The following CAPN9 variants were observed in gnomAD, a reference collection of about 807,000 sequenced individuals.
CAPN9 encodes the protein calpain 9, also known as calpain-9.
In CAPN9, 81 loss-of-function variants were observed where a neutral mutation model predicts 92.8. The ratio of observed to expected loss-of-function variants is 0.87; its 90% CI spans 0.73 to 1.05. The LOEUF is 1.05. Among genes scored for constraint, CAPN9 ranks in the 50% least tolerant of loss-of-function variants. The probability of loss-of-function intolerance (pLI) is 0.00; values close to 1 mark genes in which losing one functional copy is unlikely to be tolerated. For missense variants in CAPN9, 848 were observed against 866.2 expected, an observed-to-expected ratio of 0.98 and a Z score of 0.26; for synonymous variants, 304 against 328.0, an observed-to-expected ratio of 0.93 and a Z score of 0.79.
rs1206585624 is a variant in CAPN9, at chr1:230,774,643, G to T, written c.953+12G>T. On this transcript the variant is annotated intron_variant, in intron 8 of 19. Transcript: ENST00000271971. ...GATGGGGAATTCTGGTACCGTGCTT[G>T]TTCCTGTGTTAACTGCAGATACGAG... The T allele has an allele frequency of 3.7e-6, 6 of 1,606,526 alleles. No homozygotes were observed. The highest frequency in any genetic ancestry group is 1.1e-5 in the South Asian group (1 of 90,920).
chr1:230,785,682 T>A (rs1379226081), intron 11 of CAPN9, among the ~76,000 whole-genome samples: 1 of 152,202 alleles, frequency 6.6e-6, no homozygotes, highest in African/African-American at 2.4e-5. Context: ...TGTAGAACCA[T>A]GAGCCAATCA....
At chr1:230,752,036 G>A (rs1297637860) in intron 1 of CAPN9, among the ~76,000 whole-genome samples, 2 of 152,070 alleles carry the variant, frequency 1.3e-5, no homozygotes, top group Non-Finnish European at 2.9e-5. Context: ...CATTTCACAG[G>A]AACAAATGTA....
At position 230,780,599 on chromosome 1, in the gene CAPN9, C is replaced by A. The variant is rs28359688; in HGVS notation, c.1372C>A (p.Arg458=). 1.2e-6 allele frequency: 2 copies of A among 1,614,134 alleles called. No homozygotes were observed. The highest frequency in any genetic ancestry group is 1.7e-6 in the Non-Finnish European group (2 of 1,180,000). Reference sequence around the variant, plus strand: ...CATCAACCTGAGAGAAGTCTCCGACCGGTTCAAGCTGCCCCCTGGGGAGTA... The same window carrying A: ...CATCAACCTGAGAGAAGTCTCCGACAGGTTCAAGCTGCCCCCTGGGGAGTA... ...TFINLREVSD[R]FKLPPGEYIL... The change falls in exon 11 of 20, where the codon CGG becomes AGG. Residue 458 remains arginine, a synonymous_variant. Coordinates refer to ENST00000271971, the MANE Select transcript of CAPN9 (RefSeq NM_006615.3).
chr1:230,758,184 C>T (rs182511905), intron 2 of CAPN9, among the ~76,000 whole-genome samples: 460 of 152,330 alleles, frequency 3.0e-3, no homozygotes, highest in Non-Finnish European at 5.3e-3. Flanking sequence ...CACTCATTTT[C>T]CTCAACTGGG....
At chr1:230,797,704 C>A in intron 18 of CAPN9, among the ~76,000 whole-genome samples, 1 of 152,172 alleles carries the variant, frequency 6.6e-6, no homozygotes, top group East Asian at 1.9e-4. Flanking sequence ...GTAGACCCAG[C>A]CCCCAGCTCA....
chr1:230,772,171 T>G (rs1666428490), intron 7 of CAPN9, 72 bp downstream of exon 7: 1 of 1,249,514 alleles, frequency 8.0e-7, no homozygotes, highest in East Asian at 2.3e-5. Context: ...TGTGCAGACA[T>G]GTGAAGGAGT....
chr1:230,765,139 CA>C (rs1665890465), intron 4 of CAPN9, among the ~76,000 whole-genome samples: 1 of 151,602 alleles, frequency 6.6e-6, no homozygotes, highest in Non-Finnish European at 1.5e-5. Flanking sequence ...TATATATACA[CA>C]TACATATATA....
chr1:230,776,806 C>G (rs1666813666), intron 8 of CAPN9: 1 of 152,220 alleles, frequency 6.6e-6, no homozygotes, highest in Non-Finnish European at 1.5e-5. Flanking sequence ...GACACTCTCA[C>G]TTTCTAAAAA....
At chr1:230,753,192 C>G (rs1404676325) in intron 1 of CAPN9, among the ~76,000 whole-genome samples, 1 of 152,166 alleles carries the variant, frequency 6.6e-6, no homozygotes, top group Non-Finnish European at 1.5e-5. Context: ...GGCGCCAAAG[C>G]TACCTGGAGC....
intron 13 of CAPN9, among the ~76,000 whole-genome samples, chr1:230,789,305 C>T (rs28359702): frequency 0.033 from 5,060 of 151,978 alleles, 133 homozygotes; most frequent in Non-Finnish European, 0.05. Flanking sequence ...ATAGGGAGAG[C>T]CCATCTCTGC....
At chr1:230,791,036 G>A (rs996428577) in intron 14 of CAPN9, among the ~76,000 whole-genome samples, 1 of 152,218 alleles carries the variant, frequency 6.6e-6, no homozygotes, top group African/African-American at 2.4e-5. Flanking sequence ...GTCCATCCAT[G>A]CTGTAGCATG....
chr1:230,785,719 G>C (rs1667535201), intron 11 of CAPN9, among the ~76,000 whole-genome samples: 1 of 152,122 alleles, frequency 6.6e-6, no homozygotes, highest in African/African-American at 2.4e-5. Context: ...AAATTACCTA[G>C]TCTCTGTTAT....
chr1:230,777,804 C>G (rs1258600758), intron 8 of CAPN9, among the ~76,000 whole-genome samples: 1 of 152,044 alleles, frequency 6.6e-6, no homozygotes, highest in Admixed American at 6.5e-5. Context: ...TGGTGGTCCT[C>G]CTCCTACCTG....
At chr1:230,752,968 T>C (rs1031495842) in intron 1 of CAPN9, among the ~76,000 whole-genome samples, 1 of 152,162 alleles carries the variant, frequency 6.6e-6, no homozygotes, top group Non-Finnish European at 1.5e-5. Context: ...CCCACTGACA[T>C]GGTCCTGGTT....
intron 8 of CAPN9, among the ~76,000 whole-genome samples, chr1:230,775,308 C>T (rs1190290917): frequency 1.3e-5 from 2 of 152,144 alleles, no homozygotes; most frequent in Non-Finnish European, 2.9e-5. Flanking sequence ...GGATCCATTC[C>T]CTCCACACCC....
chr1:230,779,606 C>G (rs538367892), intron 9 of CAPN9, among the ~76,000 whole-genome samples: 2 of 152,230 alleles, frequency 1.3e-5, no homozygotes, highest in South Asian at 4.1e-4. Flanking sequence ...AGCAAGAGCT[C>G]CTGGGGGTAT....
chr1:230,797,085 G>A (rs558733728), intron 18 of CAPN9, among the ~76,000 whole-genome samples: 2 of 152,270 alleles, frequency 1.3e-5, no homozygotes, highest in South Asian at 4.2e-4. Flanking sequence ...ATCTCCAGGG[G>A]TGCCTAAAGA....
intron 2 of CAPN9, among the ~76,000 whole-genome samples, chr1:230,756,235 A>T (rs530830748): frequency 3.5e-4 from 54 of 152,270 alleles, no homozygotes; most frequent in Non-Finnish European, 7.6e-4. Context: ...CAACTGAGCT[A>T]TCCTAAACAC....
At chr1:230,772,684 G>A (rs915864631) in intron 7 of CAPN9, among the ~76,000 whole-genome samples, 1 of 151,558 alleles carries the variant, frequency 6.6e-6, no homozygotes, top group Non-Finnish European at 1.5e-5. Flanking sequence ...TGAGGCTGCA[G>A]GGAGCTATGA....
Sources: gnomAD v4.1 joint callset for allele counts (sites outside exome capture counted in the v4.1 genomes callset) on GRCh38, gnomAD v4.1.1 for gene constraint, MANE v1.5 for transcripts, NCBI Gene and HGNC (gene_info 2026-07-23, HGNC 2026-07-21) for gene names.